Variants in TENM1 observed in about 807,000 individuals in gnomAD.
TENM1 encodes teneurin transmembrane protein 1, also known as teneurin-1.
A neutral mutation model predicts 174.8 loss-of-function variants in TENM1; 35 were observed. The ratio of observed to expected loss-of-function variants is 0.20; its 90% CI spans 0.15 to 0.27. TENM1 has a LOEUF of 0.27. Among genes scored for constraint, TENM1 ranks in the 10% least tolerant of loss-of-function variants. The pLI is 1.00. For missense variants in TENM1, 1,633 were observed against 2,130.1 expected, an observed-to-expected ratio of 0.77 and a Z score of 4.59; for synonymous variants, 781 against 798.7, an observed-to-expected ratio of 0.98 and a Z score of 0.37.
At chrX:124,422,429 G>A (rs1232323642) in exon 24 of TENM1, 2 of 1,211,450 alleles carry the variant, frequency 1.7e-6, no homozygotes, top group East Asian at 5.9e-5. Flanking sequence ...GGGAGACACT[G>A]ATGGCCCTCG....
At chrX:125,163,645 A>G in the TENM1 span, among the ~76,000 whole-genome samples, 1 of 111,759 alleles carries the variant, frequency 8.9e-6, no homozygotes, top group Non-Finnish European at 1.9e-5. Flanking sequence ...TTTCCTAACA[A>G]TAGTCATGTT....
At chrX:124,833,713 T>G (rs1025158850) in intron 3 of TENM1, among the ~76,000 whole-genome samples, 5 of 111,511 alleles carry the variant, frequency 4.5e-5, no homozygotes, top group African/African-American at 1.6e-4. Context: ...ATATCACTCT[T>G]CAACTTATCA....
At chrX:124,642,374 A>C (rs898825385) in intron 10 of TENM1, among the ~76,000 whole-genome samples, 2 of 112,408 alleles carry the variant, frequency 1.8e-5, no homozygotes, top group African/African-American at 6.5e-5. Context: ...ATCCTTTCTG[A>C]AAATGGAAGC....
intron 1 of TENM1, among the ~76,000 whole-genome samples, chrX:124,923,424 G>A (rs1003748376): frequency 1.8e-5 from 2 of 111,686 alleles, no homozygotes; most frequent in Non-Finnish European, 3.8e-5. Context: ...TTTTGTCTGG[G>A]AATAAAATTT....
intron 21 of TENM1, among the ~76,000 whole-genome samples, chrX:124,484,000 C>T (rs770684376): frequency 3.6e-5 from 4 of 112,086 alleles, no homozygotes; most frequent in South Asian, 3.7e-4. Context: ...ATCCCATCCA[C>T]GATAACAAAT....
At chrX:124,632,930 T>A (rs1305189078) in intron 11 of TENM1, among the ~76,000 whole-genome samples, 1 of 111,679 alleles carries the variant, frequency 9.0e-6, no homozygotes, top group Non-Finnish European at 1.9e-5. Context: ...TATGGCTTCC[T>A]TCAACCTCTC....
the TENM1 span, among the ~76,000 whole-genome samples, chrX:125,176,956 G>T: frequency 2.7e-5 from 3 of 111,847 alleles, no homozygotes; most frequent in South Asian, 1.1e-3. Flanking sequence ...GATCAGGCAT[G>T]TACATAAGTG....
chrX:125,025,243 T>C, the TENM1 span, among the ~76,000 whole-genome samples: 1 of 110,940 alleles, frequency 9.0e-6, no homozygotes, highest in East Asian at 2.9e-4. Flanking sequence ...AGACCATGTA[T>C]GTATACATAC....
At chrX:124,629,127 C>T (rs1393631431) in intron 11 of TENM1, among the ~76,000 whole-genome samples, 1 of 112,144 alleles carries the variant, frequency 8.9e-6, no homozygotes, top group Non-Finnish European at 1.9e-5. Context: ...TTTTTTTCCC[C>T]TTGGGGAGGT....
At chrX:124,584,889 G>C (rs1379621867) in intron 11 of TENM1, among the ~76,000 whole-genome samples, 1 of 109,994 alleles carries the variant, frequency 9.1e-6, no homozygotes, top group Non-Finnish European at 1.9e-5. Context: ...TGCAATCCTA[G>C]TCTCTGATAA....
chrX:124,433,866 T>C (rs895723754), intron 23 of TENM1, among the ~76,000 whole-genome samples: 1 of 111,729 alleles, frequency 9.0e-6, no homozygotes, highest in Non-Finnish European at 1.9e-5. Flanking sequence ...ATGTATCTTA[T>C]AGTCAATGTG....
chrX:124,723,303 C>T (rs1337840561), intron 4 of TENM1, among the ~76,000 whole-genome samples: 1 of 111,888 alleles, frequency 8.9e-6, no homozygotes, highest in Non-Finnish European at 1.9e-5. Flanking sequence ...TCTTCTCATC[C>T]ATAGTTTATT....
At chrX:124,430,415 C>G (rs927946211) in intron 23 of TENM1, among the ~76,000 whole-genome samples, 1 of 112,116 alleles carries the variant, frequency 8.9e-6, no homozygotes, top group Non-Finnish European at 1.9e-5. Flanking sequence ...GACCTTGGCA[C>G]GAATCAGTTA....
At chrX:124,903,469 CAA>C (rs1424956120) in intron 1 of TENM1, among the ~76,000 whole-genome samples, 1 of 111,564 alleles carries the variant, frequency 9.0e-6, no homozygotes, top group Non-Finnish European at 1.9e-5. Context: ...TGGAAGAAAT[CAA>C]AACAACTCCA....
chrX:124,567,182 A>G (rs1343759359), intron 11 of TENM1, among the ~76,000 whole-genome samples: 1 of 112,104 alleles, frequency 8.9e-6, no homozygotes, highest in African/African-American at 3.2e-5. Flanking sequence ...ATGTCAGTGC[A>G]ACCAGCAGAA....
chrX:124,485,834 C>T (rs1277209453), intron 21 of TENM1, among the ~76,000 whole-genome samples: 1 of 111,196 alleles, frequency 9.0e-6, no homozygotes, highest in African/African-American at 3.3e-5. Context: ...TGCAAAATAC[C>T]ATCAGAATAC....
At chrX:124,422,620 T>C (rs2060667045) in exon 24 of TENM1, 4 of 1,209,151 alleles carry the variant, frequency 3.3e-6, no homozygotes, top group Non-Finnish European at 4.5e-6. Flanking sequence ...GCAAGGTCTG[T>C]TGGCCACTCT....
At chrX:124,697,191 C>T (rs746858713) in intron 5 of TENM1, among the ~76,000 whole-genome samples, 34 of 111,498 alleles carry the variant, frequency 3.0e-4, no homozygotes, top group African/African-American at 1.1e-3. Context: ...TAAGCAATTA[C>T]CCTGGAAGTT....
the TENM1 span, among the ~76,000 whole-genome samples, chrX:125,078,321 A>C: frequency 8.9e-6 from 1 of 111,942 alleles, no homozygotes; most frequent in Admixed American, 9.5e-5. Context: ...ATATTTCAAA[A>C]ATTTTTAAAA....
Sources: gnomAD v4.1 joint callset for allele counts (sites outside exome capture counted in the v4.1 genomes callset) on GRCh38, gnomAD v4.1.1 for gene constraint, MANE v1.5 for transcripts, NCBI Gene and HGNC (gene_info 2026-07-23, HGNC 2026-07-21) for gene names.